The following KIF3C variants were observed in gnomAD, a reference collection of about 807,000 sequenced individuals.
The protein encoded by KIF3C is kinesin-like protein KIF3C.
In KIF3C, 12 loss-of-function variants were observed where a neutral mutation model predicts 67.7. That is an observed-to-expected ratio of 0.18 (90% confidence interval 0.11 to 0.29). KIF3C has a LOEUF of 0.29. KIF3C is among the 10% of genes least tolerant of loss of function. The pLI, the probability that KIF3C is intolerant of heterozygous loss-of-function variation, is 1.00. For missense variants in KIF3C, 789 were observed against 1,059.6 expected, an observed-to-expected ratio of 0.74 and a Z score of 3.55; for synonymous variants, 393 against 426.2, an observed-to-expected ratio of 0.92 and a Z score of 0.96.
intron 7 of KIF3C, 115 bp downstream of exon 7, chr2:25,929,190 C>T: frequency 1.4e-6 from 2 of 1,404,624 alleles, no homozygotes; most frequent in Non-Finnish European, 2.0e-6. Flanking sequence ...TCCCCAGTCA[C>T]CCCTTGCCCT....
In KIF3C at chr2:25,959,975, C is replaced by T. The variant is rs890910542; in HGVS notation, c.1546-3531G>A. 5.3e-5 allele frequency among the ~76,000 whole-genome samples: 8 copies of T among 152,140 alleles called. No individual in the cohort carries two copies. The South Asian group carries it at 6.2e-4, about 12-fold the overall frequency. ...TGGCCTGGCCTCTGAATCTGGGACA[C>T]GCTTGTCCATTTCAACCCTGAGACC... On this transcript the variant is annotated intron_variant, in intron 1 of 7. Coordinates refer to ENST00000264712, the MANE Select transcript of KIF3C (RefSeq NM_002254.8).
At chr2:25,962,762 A>T (rs1469962211) in intron 1 of KIF3C, among the ~76,000 whole-genome samples, 1 of 109,428 alleles carries the variant, frequency 9.1e-6, no homozygotes, top group Non-Finnish European at 1.8e-5. Flanking sequence ...AATATAATAT[A>T]TATATAAAAT....
intron 1 of KIF3C, among the ~76,000 whole-genome samples, chr2:25,959,500 C>T (rs773876327): frequency 2.6e-5 from 4 of 151,978 alleles, no homozygotes; most frequent in East Asian, 1.9e-4. Flanking sequence ...TCTGCAGTGG[C>T]GCGATCTTGG....
chr2:25,952,009 G>A (rs1479768310), intron 4 of KIF3C, 104 bp from the exon 5 acceptor site: 19 of 817,042 alleles, frequency 2.3e-5, no homozygotes, highest in Non-Finnish European at 3.9e-5. Flanking sequence ...GAGGCAGAGG[G>A]GGCTGGGCAC....
intron 1 of KIF3C, among the ~76,000 whole-genome samples, chr2:25,963,851 C>T (rs1370878569): frequency 2.0e-5 from 3 of 151,812 alleles, no homozygotes; most frequent in African/African-American, 7.3e-5. Context: ...TACCACCACA[C>T]CTGGCTAATT....
intron 5 of KIF3C, among the ~76,000 whole-genome samples, chr2:25,942,325 T>A (rs1261375544): frequency 6.6e-6 from 1 of 151,902 alleles, no homozygotes; most frequent in Non-Finnish European, 1.5e-5. Context: ...GCCATTGCAC[T>A]CCAGCTTAGG....
intron 4 of KIF3C, among the ~76,000 whole-genome samples, chr2:25,952,531 G>A (rs1250775065): frequency 1.0e-5 from 1 of 95,868 alleles, no homozygotes; most frequent in Non-Finnish European, 1.9e-5. Context: ...ATATATGTGT[G>A]TGTGTGTGTG....
intron 6 of KIF3C, 41 bp from the exon 7 acceptor site, chr2:25,929,518 T>G: frequency 6.4e-7 from 1 of 1,569,868 alleles, no homozygotes; most frequent in Non-Finnish European, 8.8e-7. Context: ...CAGTGCCCAG[T>G]CACTGTGCCT....
rs2090426078 is a variant in KIF3C at position 25,928,011 on chromosome 2, A to T, written c.*967T>A. ...TTTCCTGTGACAGATGAAGGGAAAA[A>T]GCAATAGATGTTAATATCTTCGTTT... is the stretch of plus-strand genomic sequence containing the variant. On this transcript the variant is annotated 3_prime_UTR_variant, in exon 8 of 8. Coordinates refer to ENST00000264712, the MANE Select transcript of KIF3C (RefSeq NM_002254.8). The T allele has an allele frequency of 6.6e-6, 1 of 152,626 alleles. No individual in the cohort carries two copies. Among genetic ancestry groups the T allele is most frequent in the Admixed American group, 6.6e-5 (1 of 15,256 alleles). 9.5% of individuals were successfully genotyped at this position (152,626 alleles called of 1,614,324 possible). A position where few individuals can be genotyped will look rare whatever the true frequency, so the allele number is the denominator to read the frequency against.
intron 1 of KIF3C, among the ~76,000 whole-genome samples, chr2:25,974,364 G>A (rs1004584670): frequency 4.6e-5 from 7 of 151,984 alleles, no homozygotes; most frequent in African/African-American, 1.4e-4. Flanking sequence ...CACCGCGCCC[G>A]GCCTTTTTCT....
chr2:25,932,285 C>T (rs1053916262), intron 5 of KIF3C, among the ~76,000 whole-genome samples: 3 of 151,618 alleles, frequency 2.0e-5, no homozygotes, highest in African/African-American at 7.3e-5. Flanking sequence ...CAGACATAGG[C>T]CACTGCGCCT....
rs775155142 is a variant in KIF3C at position 25,932,003 on chromosome 2, G to GTT, written c.2007-1942_2007-1941dup. On this transcript the variant is annotated intron_variant, in intron 5 of 7. Transcript: ENST00000264712. The stretch of plus-strand genomic sequence containing the variant: ...CATTGTGTGTTGTTTCTTCTGTTTT[G>GTT]TTTTTTTTTTTTTTTTTTGGAAACG... Among the ~76,000 whole-genome samples the GTT allele has an allele frequency of 1.6e-3, 157 of 96,144 alleles. 1 individual carries two copies. Among genetic ancestry groups the GTT allele is most frequent in the African/African-American group, 4.3e-3 (107 of 24,608 alleles). The allele number at this position is 96,144 out of a possible 152,430, so 63.1% of individuals were successfully genotyped here.
rs1014979482 is a variant in KIF3C, at chr2:25,981,765, C to T, written c.153G>A (p.Pro51=). 1 of 1,613,586 alleles carries T rather than the reference C, an allele frequency of 6.2e-7. No homozygotes were observed. Among genetic ancestry groups the T allele is most frequent in the Non-Finnish European group, 8.5e-7 (1 of 1,179,764 alleles). ...AGGTGAAGGTCTTGGGCAGCTCCCC[C>T]GGGGCGGCGCGGGGGTTCCGCAGGG... is the stretch of plus-strand genomic sequence containing the variant. The part of the protein sequence containing the change: ...QVTLRNPRAA[P]GELPKTFTFD... The change falls in exon 1 of 8, where the codon CCG becomes CCA. Residue 51 remains proline (P), a synonymous_variant. Coordinates refer to ENST00000264712, the MANE Select transcript of KIF3C (RefSeq NM_002254.8). This position sits in a 1 kb window ranked among gnomAD's most constrained non-coding sequence, Gnocchi z 8.2.
chr2:25,961,825 C>G (rs1408422400), intron 1 of KIF3C, among the ~76,000 whole-genome samples: 1 of 152,080 alleles, frequency 6.6e-6, no homozygotes, highest in Non-Finnish European at 1.5e-5. Context: ...TGGCTCAAGC[C>G]TGTAATCCCA....
intron 5 of KIF3C, among the ~76,000 whole-genome samples, chr2:25,943,760 G>A (rs939461371): frequency 7.2e-5 from 11 of 151,992 alleles, no homozygotes; most frequent in African/African-American, 2.7e-4. Context: ...AGCTACTCGG[G>A]AGGCGGAGGC....
chr2:25,979,774 G>C lies in KIF3C; in HGVS notation c.1545+599C>G, dbSNP rs1001992508. Among the ~76,000 whole-genome samples the C allele has an allele frequency of 3.9e-5, 6 of 152,260 alleles. 1 individual carries two copies. The highest frequency in any genetic ancestry group is 6.5e-5 in the Admixed American group (1 of 15,276). On this transcript the variant is annotated intron_variant, in intron 1 of 7. Transcript: ENST00000264712. ...AACAGCATGAGGTCCATGGGTTCCAGCTCAGCTCTGCCACTTCATAGGATG... is the reference window on the plus strand; with the variant it reads ...AACAGCATGAGGTCCATGGGTTCCACCTCAGCTCTGCCACTTCATAGGATG...
chr2:25,982,184 G>T lies in KIF3C; in HGVS notation c.-267C>A. 4.5e-6 allele frequency: 2 copies of T among 448,200 alleles called. No individual in the cohort carries two copies. Among genetic ancestry groups the T allele is most frequent in the Non-Finnish European group, 7.8e-6 (2 of 255,160 alleles). 27.8% of individuals were successfully genotyped at this position (448,200 alleles called of 1,614,324 possible). The stretch of plus-strand genomic sequence containing the variant: ...TCGCCGCGGGAGCAGCGCCTGCCGA[G>T]CAGCCGTGCCCGGAGCCCGCCCCAT... On this transcript the variant is annotated 5_prime_UTR_variant, in exon 1 of 8. Transcript: ENST00000264712.
At chr2:25,934,793 C>T (rs1042909296) in intron 5 of KIF3C, among the ~76,000 whole-genome samples, 4 of 152,090 alleles carry the variant, frequency 2.6e-5, no homozygotes, top group Admixed American at 2.0e-4. Flanking sequence ...GCCTCAGAGA[C>T]TCATGCTTGT....
chr2:25,953,089 C>T (rs1350153657), intron 4 of KIF3C, among the ~76,000 whole-genome samples: 2 of 151,404 alleles, frequency 1.3e-5, no homozygotes, highest in Non-Finnish European at 2.9e-5. Flanking sequence ...GCCAACATGG[C>T]GAAACTCCAT....
Sources: allele counts gnomAD v4.1 joint callset (sites outside exome capture counted in the v4.1 genomes callset), GRCh38; gene constraint gnomAD v4.1.1; non-coding constraint Gnocchi (gnomAD v3.1); transcripts MANE v1.5; gene names NCBI Gene and HGNC (gene_info 2026-07-23, HGNC 2026-07-21).